The following ASPH variants were observed in gnomAD, a reference collection of about 807,000 sequenced individuals.
ASPH encodes the protein aspartate beta-hydroxylase, also known as aspartyl/asparaginyl beta-hydroxylase.
Under a neutral mutation model 118.4 loss-of-function variants are expected in ASPH, and 100 were observed. The ratio of observed to expected loss-of-function variants is 0.84; its 90% CI spans 0.72 to 1.00. The LOEUF (loss-of-function observed/expected upper bound fraction) is 1.00. Among genes scored for constraint, ASPH ranks in the 50% least tolerant of loss-of-function variants. The pLI is 0.00. For missense variants in ASPH, 920 were observed against 919.5 expected, an observed-to-expected ratio of 1.00 and a Z score of -0.01; for synonymous variants, 315 against 325.6, an observed-to-expected ratio of 0.97 and a Z score of 0.35.
At chr8:61,676,359 A>G (rs942673425) in intron 3 of ASPH, 1 of 1,524,198 alleles carries the variant, frequency 6.6e-7, no homozygotes, top group Non-Finnish European at 8.8e-7. Context: ...AAATAAGGAG[A>G]GCAGTTAGGT....
chr8:61,550,775 C>T (rs1382415943), intron 20 of ASPH, among the ~76,000 whole-genome samples: 1 of 152,208 alleles, frequency 6.6e-6, no homozygotes, highest in Non-Finnish European at 1.5e-5. Context: ...AAGCAAGAAA[C>T]AACATCCAGG....
At chr8:61,669,253 A>G (rs1588967576) in intron 3 of ASPH, among the ~76,000 whole-genome samples, 1 of 152,212 alleles carries the variant, frequency 6.6e-6, no homozygotes, top group Non-Finnish European at 1.5e-5. Flanking sequence ...CTGTTCTATT[A>G]TATTGTTCAA....
intron 3 of ASPH, among the ~76,000 whole-genome samples, chr8:61,666,412 G>C (rs780818278): frequency 1.6e-4 from 25 of 152,132 alleles, no homozygotes; most frequent in Non-Finnish European, 2.9e-4. Flanking sequence ...TCATCTGTTT[G>C]TACTCTCATA....
chr8:61,707,123 A>G (rs1277538835), intron 1 of ASPH, among the ~76,000 whole-genome samples: 1 of 152,196 alleles, frequency 6.6e-6, no homozygotes, highest in East Asian at 1.9e-4. Context: ...AAATTCTATT[A>G]ATATATTAAA....
Position 61,661,728 on chromosome 8 carries a change from T to C in ASPH, c.323-8068A>G, listed in dbSNP as rs1173252543. 1.1e-4 allele frequency: 37 copies of C among 342,616 alleles called. No individual in the cohort carries two copies. In the East Asian group the frequency reaches 1.3e-3, roughly 12 times the overall value. 21.2% of individuals were successfully genotyped at this position (342,616 alleles called of 1,614,324 possible). ...AATCTTTATTATCCAAGTATCATTATGAGGACCTCTGAAGTTACAAACTTG... is the reference window on the plus strand; with the variant it reads ...AATCTTTATTATCCAAGTATCATTACGAGGACCTCTGAAGTTACAAACTTG... On this transcript the variant is annotated intron_variant, in intron 3 of 24. Transcript: ENST00000379454.
chr8:61,714,313 C>A lies in ASPH; in HGVS notation c.59G>T (p.Ser20Ile). ...SGNSSSSGSG[S>I]GSTSAGSSSP... ...GCTGCTGCCCGCACTCGTGCTACCG[C>A]TGCCGGAGCCGCTGCTGCTGCTGTT... The change falls in exon 1 of 25, where the codon AGC (serine) becomes ATC (isoleucine). Residue 20 changes from serine (S) to isoleucine (I), a missense_variant. Physicochemically the swap from Ser to Ile is moderately radical, Grantham distance 142 (BLOSUM62 -2). Transcript: ENST00000379454. The A allele has an allele frequency of 6.6e-7, 1 of 1,523,632 alleles. No homozygotes were observed. Among genetic ancestry groups the A allele is most frequent in the Admixed American group, 2.1e-5 (1 of 48,376 alleles). The allele number at this position is 1,523,632 out of a possible 1,614,324, so 94.4% of individuals were successfully genotyped here.
intron 21 of ASPH, among the ~76,000 whole-genome samples, chr8:61,529,083 A>AT (rs1211545166): frequency 6.6e-6 from 1 of 152,168 alleles, no homozygotes; most frequent in Non-Finnish European, 1.5e-5. Flanking sequence ...CAGTTTAGGG[A>AT]TGATGAAATG....
chr8:61,594,840 A>T (rs570134436), intron 14 of ASPH, among the ~76,000 whole-genome samples: 2 of 152,340 alleles, frequency 1.3e-5, no homozygotes, highest in East Asian at 3.9e-4. Context: ...AAAGTATCCC[A>T]TATGGACAAG....
At chr8:61,635,772 T>C (rs932234185) in intron 12 of ASPH, among the ~76,000 whole-genome samples, 7 of 152,122 alleles carry the variant, frequency 4.6e-5, no homozygotes, top group African/African-American at 1.7e-4. Context: ...GTTCAACACT[T>C]TCCCCTCCAT....
chr8:61,713,298 A>G (rs1838512826), intron 1 of ASPH, among the ~76,000 whole-genome samples: 3 of 152,364 alleles, frequency 2.0e-5, no homozygotes, highest in Non-Finnish European at 2.9e-5. Flanking sequence ...AGAGAGAATG[A>G]GCCAAAGACA....
intron 13 of ASPH, chr8:61,631,571 G>C (rs1855615084): frequency 6.6e-6 from 1 of 152,102 alleles, no homozygotes; most frequent in African/African-American, 2.4e-5. Context: ...GCTACTCTAT[G>C]ATGTTCATAC....
Position 61,583,072 on chromosome 8 carries a change from C to G in ASPH, c.1062+872G>C, listed in dbSNP as rs1431038547. ...GCAAGTAATATTTCAAATATATCGA[C>G]AAATTAAAATATAAATAAGGTACCC... On this transcript the variant is annotated intron_variant, in intron 15 of 24. Coordinates refer to ENST00000379454, the MANE Select transcript of ASPH (RefSeq NM_004318.4). 5.9e-5 allele frequency: 9 copies of G among 152,004 alleles called. No homozygotes were observed. In the East Asian group the frequency reaches 1.7e-3, roughly 29 times the overall value. The allele number at this position is 152,004 out of a possible 1,614,324, so 9.4% of individuals were successfully genotyped here.
chr8:61,508,938 T>C (rs1191586059), intron 24 of ASPH, among the ~76,000 whole-genome samples: 3 of 152,210 alleles, frequency 2.0e-5, no homozygotes, highest in Non-Finnish European at 4.4e-5. Flanking sequence ...AATTCCCCAG[T>C]TCAGACTCCA....
intron 1 of ASPH, among the ~76,000 whole-genome samples, chr8:61,694,093 A>G (rs1275114009): frequency 6.6e-6 from 1 of 152,022 alleles, no homozygotes; most frequent in Non-Finnish European, 1.5e-5. Flanking sequence ...TCTGCCCCCA[A>G]TGTATCCTAC....
chr8:61,562,626 T>C, intron 18 of ASPH, 118 bp downstream of exon 18: 2 of 1,053,922 alleles, frequency 1.9e-6, no homozygotes, highest in Non-Finnish European at 2.6e-6. Flanking sequence ...TTAACTATAA[T>C]AATACTTACA....
At chr8:61,563,585 G>C (rs180818106) in intron 17 of ASPH, among the ~76,000 whole-genome samples, 26 of 152,210 alleles carry the variant, frequency 1.7e-4, no homozygotes, top group African/African-American at 4.8e-4. Context: ...CAATCTAGGA[G>C]AGTGATGGGA....
At chr8:61,640,605 C>A (rs1804674817) in intron 10 of ASPH, among the ~76,000 whole-genome samples, 1 of 152,180 alleles carries the variant, frequency 6.6e-6, no homozygotes. Context: ...TTCTTCCTAG[C>A]ACTTATCACA....
At chr8:61,504,606 C>A (rs1805711146) in intron 24 of ASPH, among the ~76,000 whole-genome samples, 1 of 152,170 alleles carries the variant, frequency 6.6e-6, no homozygotes, top group African/African-American at 2.4e-5. Flanking sequence ...GGATCATTCT[C>A]TGTTGTAGGG....
At chr8:61,538,035 C>T (rs1159407573) in intron 21 of ASPH, among the ~76,000 whole-genome samples, 2 of 152,104 alleles carry the variant, frequency 1.3e-5, no homozygotes, top group East Asian at 1.9e-4. Flanking sequence ...ACAGGAACAT[C>T]CATGATGGAA....
Sources: gnomAD v4.1 joint callset for allele counts (sites outside exome capture counted in the v4.1 genomes callset) on GRCh38, gnomAD v4.1.1 for gene constraint, MANE v1.5 for transcripts, NCBI Gene and HGNC (gene_info 2026-07-23, HGNC 2026-07-21) for gene names.